The following CNTD1 variants were observed in gnomAD, a reference collection of about 807,000 sequenced individuals.
CNTD1 encodes cyclin N-terminal domain containing 1.
Under a neutral mutation model 36.3 loss-of-function variants are expected in CNTD1, and 17 were observed. That is an observed-to-expected ratio of 0.47 (90% CI 0.32 to 0.70). CNTD1 has a LOEUF of 0.70. Ranked by LOEUF, CNTD1 falls within the 30% of genes least tolerant of loss-of-function variation. The pLI, the probability that CNTD1 is intolerant of heterozygous loss-of-function variation, is 0.03. For synonymous variants in CNTD1, 128 were observed against 153.3 expected (o/e 0.83, Z 1.22); for missense variants, 338 against 386.1 (o/e 0.88, Z 1.04).
In CNTD1 at chr17:42,810,942, G is replaced by A. The variant is rs1186450975; in HGVS notation, c.*1407G>A. The A allele has an allele frequency of 6.4e-7, 1 of 1,569,950 alleles. No homozygotes were observed. Among genetic ancestry groups the A allele is most frequent in the Non-Finnish European group, 8.6e-7 (1 of 1,158,108 alleles). The stretch of plus-strand genomic sequence containing the variant: ...TCCACATCCATCCTGCAGATGGACA[G>A]AGCAAAACTCATTAGTAACTGAGAT... On this transcript the variant is annotated 3_prime_UTR_variant, in exon 7 of 7. Coordinates refer to ENST00000588408, the MANE Select transcript of CNTD1 (RefSeq NM_173478.3).
rs530035368 is a variant in CNTD1 at position 42,809,506 on chromosome 17, C to T, written c.964C>T (p.Leu322=). 3.3e-5 allele frequency: 54 copies of T among 1,614,192 alleles called. No homozygotes were observed. Among genetic ancestry groups the T allele is most frequent in the East Asian group, 3.3e-4 (15 of 44,892 alleles). Residue 322 remains leucine (L), a synonymous_variant, in exon 7 of 7, where the codon CTG becomes TTG. Transcript: ENST00000588408. ...SIPPHLAARA[L]KTVASSNT The stretch of plus-strand genomic sequence containing the variant: ...TCCTCCCCACCTGGCAGCCAGAGCT[C>T]TGAAGACTGTTGCTTCCTCTAACAC...
Position 42,810,727 on chromosome 17 carries a change from C to G in CNTD1, c.*1192C>G. 1 of 1,563,752 alleles carries G rather than the reference C, an allele frequency of 6.4e-7. No homozygotes were observed. The highest frequency in any genetic ancestry group is 1.9e-5 in the Admixed American group (1 of 51,828). On this transcript the variant is annotated 3_prime_UTR_variant, in exon 7 of 7. Transcript: ENST00000588408. ...TTTGCAAACAAAACAAAATTAAAAG[C>G]CTTTAAGGCAAACCTCCCCCTAAGG...
Position 42,803,675 on chromosome 17 carries a change from G to A in CNTD1, c.225G>A (p.Gln75=), listed in dbSNP as rs376600475. The part of the protein sequence containing the change: ...QWCLEKSVSY[Q]AVEILERFMV... Reference sequence around the variant, plus strand: ...GTCTGGAGAAATCTGTGAGCTACCAGGCTGTAGAAATCCTAGAAAGGTAAA... The same window carrying A: ...GTCTGGAGAAATCTGTGAGCTACCAAGCTGTAGAAATCCTAGAAAGGTAAA... The change falls in exon 2 of 7, where the codon CAG becomes CAA. Residue 75 remains glutamine, a synonymous_variant. Coordinates refer to ENST00000588408, the MANE Select transcript of CNTD1 (RefSeq NM_173478.3). 2 of 1,614,004 alleles carry A rather than the reference G, an allele frequency of 1.2e-6. No homozygotes were observed. The highest frequency in any genetic ancestry group is 8.5e-7 in the Non-Finnish European group (1 of 1,179,932).
At position 42,810,796 on chromosome 17, in the gene CNTD1, AC is replaced by A. The variant is rs2054981358; in HGVS notation, c.*1265del. On this transcript the variant is annotated 3_prime_UTR_variant, in exon 7 of 7. Coordinates refer to ENST00000588408, the MANE Select transcript of CNTD1 (RefSeq NM_173478.3). ...AAAATTGTGAGGACACCCAAGCAAG[AC>A]CCCACTTAAGATTCGTCAGCATGAA... 1 of 1,613,252 alleles carries A rather than the reference AC, an allele frequency of 6.2e-7. No individual in the cohort carries two copies. Among genetic ancestry groups the A allele is most frequent in the Admixed American group, 1.7e-5 (1 of 59,900 alleles).
At position 42,809,653 on chromosome 17, in the gene CNTD1, T is replaced by C. The variant is rs1018331623; in HGVS notation, c.*118T>C. ...AGTCTCTTTTGAACTGTATTTTGTA[T>C]GCCAATTTCATGCTTATTTTTCCTT... On this transcript the variant is annotated 3_prime_UTR_variant, in exon 7 of 7. Coordinates refer to ENST00000588408, the MANE Select transcript of CNTD1 (RefSeq NM_173478.3). 2.3e-6 allele frequency: 2 copies of C among 885,304 alleles called. No homozygotes were observed. Among genetic ancestry groups the C allele is most frequent in the South Asian group, 1.9e-5 (1 of 54,002 alleles). 54.8% of individuals were successfully genotyped at this position (885,304 alleles called of 1,614,324 possible). A position where few individuals can be genotyped will look rare whatever the true frequency, so the allele number is the denominator to read the frequency against.
intron 3 of CNTD1, 38 bp downstream of exon 3, chr17:42,804,434 A>G (rs1440530954): frequency 2.5e-6 from 4 of 1,578,594 alleles, no homozygotes; most frequent in Admixed American, 1.8e-5. Flanking sequence ...CCTGAGTGTT[A>G]GGAAGAAACC....
intron 1 of CNTD1, among the ~76,000 whole-genome samples, chr17:42,800,615 G>T (rs1309340619): frequency 2.0e-5 from 3 of 152,168 alleles, no homozygotes; most frequent in Admixed American, 6.5e-5. Flanking sequence ...GGATACGATG[G>T]TAACCCTGCC....
At chr17:42,805,464 GAGGGAGAGGAATT>G (rs1555546912) in intron 3 of CNTD1, 1 of 284,388 alleles carries the variant, frequency 3.5e-6, no homozygotes, top group Non-Finnish European at 6.7e-6. Flanking sequence ...CCTAAGAGAA[GAGGGAGAGGAATT>G]AGGGAGGAAA....
At chr17:42,801,516 T>A (rs1245162623) in intron 1 of CNTD1, among the ~76,000 whole-genome samples, 3,355 of 47,254 alleles carry the variant, frequency 0.071, 123 homozygotes, top group South Asian at 0.14. Flanking sequence ...AAAAAATATA[T>A]ATATATATAT....
chr17:42,811,240 G>T lies in CNTD1; in HGVS notation c.*1705G>T. On this transcript the variant is annotated 3_prime_UTR_variant, in exon 7 of 7. Transcript: ENST00000588408. ...ATCCCTGAACTTGGCGGGGGAGAAAGGAGGCAGAAGAAAAGAAATGCTTTG... is the reference window on the plus strand; with the variant it reads ...ATCCCTGAACTTGGCGGGGGAGAAATGAGGCAGAAGAAAAGAAATGCTTTG... 3.3e-6 allele frequency: 1 copy of T among 307,016 alleles called. No homozygotes were observed. The highest frequency in any genetic ancestry group is 5.9e-6 in the Non-Finnish European group (1 of 169,350). 19.0% of individuals were successfully genotyped at this position (307,016 alleles called of 1,614,324 possible).
intron 1 of CNTD1, 63 bp downstream of exon 1, chr17:42,799,299 C>G: frequency 1.3e-6 from 2 of 1,501,414 alleles, no homozygotes; most frequent in East Asian, 2.4e-5. Context: ...TTTCAGGCAC[C>G]GACCTTGAGA....
chr17:42,805,130 AT>A (rs1464316915), intron 3 of CNTD1, among the ~76,000 whole-genome samples: 1 of 152,160 alleles, frequency 6.6e-6, no homozygotes, highest in Non-Finnish European at 1.5e-5. Context: ...AAACTATTAC[AT>A]TTATAAGGGA....
chr17:42,810,777 G>A lies in CNTD1; in HGVS notation c.*1242G>A. On this transcript the variant is annotated 3_prime_UTR_variant, in exon 7 of 7. Transcript: ENST00000588408. The stretch of plus-strand genomic sequence containing the variant: ...GAAAAAAGTCATTTGTTATAAAATT[G>A]TGAGGACACCCAAGCAAGACCCCAC... 1 of 1,608,988 alleles carries A rather than the reference G, an allele frequency of 6.2e-7. No homozygotes were observed. Among genetic ancestry groups the A allele is most frequent in the Non-Finnish European group, 8.5e-7 (1 of 1,177,792 alleles).
intron 2 of CNTD1, among the ~76,000 whole-genome samples, 180 bp downstream of exon 2, chr17:42,803,875 C>T (rs1004407601): frequency 6.6e-6 from 1 of 152,196 alleles, no homozygotes; most frequent in African/African-American, 2.4e-5. Flanking sequence ...CTTGCTCTGT[C>T]ACCCAGGCTG....
Position 42,810,987 on chromosome 17 carries a change from G to A in CNTD1, c.*1452G>A, listed in dbSNP as rs1346833436. 2 of 1,475,874 alleles carry A rather than the reference G, an allele frequency of 1.4e-6. No homozygotes were observed. The highest frequency in any genetic ancestry group is 2.4e-5 in the East Asian group (1 of 42,118). The allele number at this position is 1,475,874 out of a possible 1,614,324, so 91.4% of individuals were successfully genotyped here. On this transcript the variant is annotated 3_prime_UTR_variant, in exon 7 of 7. Transcript: ENST00000588408. ...TGAGATCTGAGTTAAGTAAGTTCGGGGCAGGGACTTGATCATGGGACCATT... is the reference window on the plus strand; with the variant it reads ...TGAGATCTGAGTTAAGTAAGTTCGGAGCAGGGACTTGATCATGGGACCATT...
In CNTD1 at chr17:42,811,189, C is replaced by A. The variant is rs575665278; in HGVS notation, c.*1654C>A. 1 of 367,752 alleles carries A rather than the reference C, an allele frequency of 2.7e-6. No individual in the cohort carries two copies. Among genetic ancestry groups the A allele is most frequent in the East Asian group, 4.3e-5 (1 of 23,388 alleles). 22.8% of individuals were successfully genotyped at this position (367,752 alleles called of 1,614,324 possible). A position where few individuals can be genotyped will look rare whatever the true frequency, so the allele number is the denominator to read the frequency against. ...CTGGAGTAGGGGTGAGTGAGGGTTA[C>A]AGTACTTCTTGCTGTTTTCCTAGGC... is the stretch of plus-strand genomic sequence containing the variant. On this transcript the variant is annotated 3_prime_UTR_variant, in exon 7 of 7. Transcript: ENST00000588408.
rs1335473717 is a variant in CNTD1, at chr17:42,809,590, CCTCT to C, written c.*56_*59del. ...CCATCCGTCACTGCACTCATGCCTC[CCTCT>C]GTTTACTTTCATACTAAGGGTACAA... On this transcript the variant is annotated 3_prime_UTR_variant, in exon 7 of 7. Transcript: ENST00000588408. 2.7e-6 allele frequency: 4 copies of C among 1,507,942 alleles called. No individual in the cohort carries two copies. The highest frequency in any genetic ancestry group is 3.6e-5 in the Admixed American group (2 of 56,326). The allele number at this position is 1,507,942 out of a possible 1,614,324, so 93.4% of individuals were successfully genotyped here.
chr17:42,803,918 C>T (rs1408470650), intron 2 of CNTD1, among the ~76,000 whole-genome samples: 1 of 152,194 alleles, frequency 6.6e-6, no homozygotes, highest in Non-Finnish European at 1.5e-5. Context: ...TCACTGCAGC[C>T]TTGACCTCCT....
Position 42,806,732 on chromosome 17 carries a change from C to T in CNTD1, c.639C>T (p.Leu213=), listed in dbSNP as rs764076583. 6.2e-6 allele frequency: 10 copies of T among 1,613,956 alleles called. No individual in the cohort carries two copies. In the East Asian group the frequency reaches 6.7e-5, roughly 11 times the overall value. Residue 213 remains leucine, a synonymous_variant, in exon 5 of 7, where the codon CTC becomes CTT. Transcript: ENST00000588408. ...TGCATGCAACCTGCCTGACACTGCT[C>T]GACCTGGTCTATCTTCTGCATGAAC... ...MRLHATCLTL[L]DLVYLLHEPI...
Sources: allele counts gnomAD v4.1 joint callset (sites outside exome capture counted in the v4.1 genomes callset), GRCh38; gene constraint gnomAD v4.1.1; transcripts MANE v1.5; gene names NCBI Gene and HGNC (gene_info 2026-07-23, HGNC 2026-07-21).